MAP2K1: variants seen among roughly 807,000 people sequenced by gnomAD.
MAP2K1 encodes mitogen-activated protein kinase kinase 1, also known as dual specificity mitogen-activated protein kinase kinase 1.
Under a neutral mutation model 46.3 loss-of-function variants are expected in MAP2K1, and 16 were observed. The observed-to-expected ratio is 0.35, with a 90% CI of 0.23 to 0.52. The LOEUF is 0.52. Among genes scored for constraint, MAP2K1 ranks in the 20% least tolerant of loss-of-function variants. The pLI is 0.94. For synonymous variants in MAP2K1, 183 were observed against 185.6 expected (o/e 0.99, Z 0.11); for missense variants, 263 against 497.1 (o/e 0.53, Z 4.48).
chr15:66,441,623 C>A (rs1160509141), intron 3 of MAP2K1, among the ~76,000 whole-genome samples: 1 of 152,042 alleles, frequency 6.6e-6, no homozygotes, highest in Non-Finnish European at 1.5e-5. Context: ...TGTCTGTTCT[C>A]TTCATTCAAC....
At position 66,482,594 on chromosome 15, in the gene MAP2K1, G is replaced by A. The variant is rs188496475; in HGVS notation, c.693+715G>A. ...GTGGGGCCATCCTCACACTATGGCA[G>A]CACCAGCGTGTTTTCTTCCCTCCTC... On this transcript the variant is annotated intron_variant, in intron 6 of 10. Transcript: ENST00000307102. Among the ~76,000 whole-genome samples, 11 of 152,302 alleles carry A rather than the reference G, an allele frequency of 7.2e-5. No homozygotes were observed. The East Asian group carries it at 2.1e-3, about 29-fold the overall frequency.
chr15:66,456,746 C>G (rs1892175261), intron 5 of MAP2K1, among the ~76,000 whole-genome samples: 1 of 152,212 alleles, frequency 6.6e-6, no homozygotes, highest in Admixed American at 6.5e-5. Flanking sequence ...GTGGGCCACC[C>G]TGGGTTATAC....
intron 1 of MAP2K1, among the ~76,000 whole-genome samples, chr15:66,415,873 CAT>C (rs1237367128): frequency 2.0e-5 from 3 of 152,274 alleles, no homozygotes; most frequent in Non-Finnish European, 1.5e-5. Context: ...GAAGGTGGAA[CAT>C]AGAGTTTTAC....
rs115177653 is a variant in MAP2K1, at chr15:66,472,725, T to C, written c.569-9030T>C. On this transcript the variant is annotated intron_variant, in intron 5 of 10. Transcript: ENST00000307102. Reference sequence around the variant, plus strand: ...TCTTCTAAGTCTTTCCATTACGGGTTATCCCAAGCTAGGAATAACTGGTGA... The same window carrying C: ...TCTTCTAAGTCTTTCCATTACGGGTCATCCCAAGCTAGGAATAACTGGTGA... 4.9e-3 allele frequency among the ~76,000 whole-genome samples: 748 copies of C among 152,398 alleles called. 8 individuals carry two copies. The highest frequency in any genetic ancestry group is 0.017 in the African/African-American group (727 of 41,602).
At chr15:66,436,947 TG>T in intron 3 of MAP2K1, 55 bp downstream of exon 3, 2 of 1,600,666 alleles carry the variant, frequency 1.2e-6, no homozygotes, top group South Asian at 1.1e-5. Flanking sequence ...TGGGTGGCTC[TG>T]GCCTAATCTT....
chr15:66,460,773 G>A (rs1173420166), intron 5 of MAP2K1, among the ~76,000 whole-genome samples: 1 of 151,984 alleles, frequency 6.6e-6, no homozygotes, highest in African/African-American at 2.4e-5. Flanking sequence ...GATAAGGGGG[G>A]GTCTGAGTTA....
chr15:66,442,005 G>A (rs2093505289), intron 3 of MAP2K1, among the ~76,000 whole-genome samples: 1 of 152,120 alleles, frequency 6.6e-6, no homozygotes, highest in Non-Finnish European at 1.5e-5. Context: ...AAGATCGCAG[G>A]TTAAAATGTA....
chr15:66,390,570 G>T (rs990423846), intron 1 of MAP2K1, among the ~76,000 whole-genome samples: 2 of 152,194 alleles, frequency 1.3e-5, no homozygotes, highest in Non-Finnish European at 2.9e-5. Context: ...GATGCAAGTT[G>T]TAGGGGTCCT....
chr15:66,418,574 T>C (rs1321688614), intron 1 of MAP2K1, among the ~76,000 whole-genome samples: 3 of 152,220 alleles, frequency 2.0e-5, no homozygotes, highest in East Asian at 1.9e-4. Context: ...TCTAAGGCCA[T>C]AGCCAGCTTG....
intron 5 of MAP2K1, among the ~76,000 whole-genome samples, chr15:66,455,328 T>C (rs991392008): frequency 1.3e-5 from 2 of 152,228 alleles, no homozygotes; most frequent in African/African-American, 4.8e-5. Flanking sequence ...GTGCAATGTT[T>C]TGCTCTTTCA....
chr15:66,435,329 A>G lies in MAP2K1; in HGVS notation c.291+92A>G, dbSNP rs575240416. The G allele has an allele frequency of 2.0e-5, 21 of 1,053,656 alleles. No homozygotes were observed. The Middle Eastern group carries it at 6.4e-4, about 32-fold the overall frequency. The allele number at this position is 1,053,656 out of a possible 1,614,324, so 65.3% of individuals were successfully genotyped here. ...GGTAGAAGGAAGACTGATTTTACTC[A>G]ATACCTTTTTGTGCTGTTTGAATTT... On this transcript the variant is annotated intron_variant, in intron 2 of 10. Coordinates refer to ENST00000307102, the MANE Select transcript of MAP2K1 (RefSeq NM_002755.4).
rs1209770516 is a variant in MAP2K1 at position 66,453,358 on chromosome 15, T to G, written c.568+8651T>G. On this transcript the variant is annotated intron_variant, in intron 5 of 10. Transcript: ENST00000307102. ...CTGAACAGATGTCTTTGATGGAGAG[T>G]TTACCACTTGCACAGCCAAGAAAGG... 4 of 632,674 alleles carry G rather than the reference T, an allele frequency of 6.3e-6. No homozygotes were observed. The African/African-American group carries it at 7.3e-5, about 11-fold the overall frequency. The allele number at this position is 632,674 out of a possible 1,614,324, so 39.2% of individuals were successfully genotyped here. A position where few individuals can be genotyped will look rare whatever the true frequency, so the allele number is the denominator to read the frequency against.
chr15:66,413,765 G>A (rs1045762819), intron 1 of MAP2K1, among the ~76,000 whole-genome samples: 1 of 152,196 alleles, frequency 6.6e-6, no homozygotes, highest in Non-Finnish European at 1.5e-5. Context: ...ACTCTGGTGT[G>A]TGATACAGCA....
chr15:66,456,109 T>C (rs2140624572), intron 5 of MAP2K1, among the ~76,000 whole-genome samples: 1 of 152,338 alleles, frequency 6.6e-6, no homozygotes, highest in Non-Finnish European at 1.5e-5. Flanking sequence ...AGAGAAGTAA[T>C]TCATTTTGTA....
intron 1 of MAP2K1, among the ~76,000 whole-genome samples, chr15:66,421,794 C>G (rs2093444206): frequency 6.7e-6 from 1 of 148,154 alleles, no homozygotes. Flanking sequence ...GTGACTCCAT[C>G]TCAAAAAAAA....
chr15:66,419,919 T>C (rs1433938876), intron 1 of MAP2K1, among the ~76,000 whole-genome samples: 1 of 151,780 alleles, frequency 6.6e-6, no homozygotes, highest in Non-Finnish European at 1.5e-5. Flanking sequence ...GTCTGTTGGC[T>C]TGGAAACTAC....
intron 1 of MAP2K1, among the ~76,000 whole-genome samples, chr15:66,406,995 T>TCAAAA (rs1042885225): frequency 9.2e-5 from 14 of 152,004 alleles, no homozygotes; most frequent in Admixed American, 6.5e-4. Context: ...AAACTCTGTC[T>TCAAAA]CAAAACAAAA....
intron 5 of MAP2K1, among the ~76,000 whole-genome samples, chr15:66,458,166 G>A (rs374313067): frequency 6.6e-6 from 1 of 152,140 alleles, no homozygotes; most frequent in Non-Finnish European, 1.5e-5. Flanking sequence ...TGTGCTGTGA[G>A]TTAAAAAGGG....
At chr15:66,432,429 A>G (rs2093477115) in intron 1 of MAP2K1, among the ~76,000 whole-genome samples, 1 of 152,260 alleles carries the variant, frequency 6.6e-6, no homozygotes, top group Admixed American at 6.5e-5. Context: ...TCAAAGAGTC[A>G]GAAAAGTGAA....
Sources: allele counts gnomAD v4.1 joint callset (sites outside exome capture counted in the v4.1 genomes callset), GRCh38; gene constraint gnomAD v4.1.1; transcripts MANE v1.5; gene names NCBI Gene and HGNC (gene_info 2026-07-23, HGNC 2026-07-21).